The following SLFN12L variants were observed in gnomAD, a reference collection of about 807,000 sequenced individuals.
SLFN12L encodes schlafen family member 12 like.
In SLFN12L, 34 loss-of-function variants were observed where a neutral mutation model predicts 34.8. That is an observed-to-expected ratio of 0.98 (90% CI 0.74 to 1.30). The LOEUF is 1.30. Among genes scored for constraint, SLFN12L ranks in the 50% most tolerant of loss-of-function variants. SLFN12L has a pLI of 0.00. For synonymous variants in SLFN12L, 259 were observed against 247.5 expected (o/e 1.05, Z -0.44); for missense variants, 703 against 696.2 (o/e 1.01, Z -0.11).
rs1914165377 is a variant in SLFN12L, at chr17:35,479,117, C to T, written c.1165G>A (p.Val389Ile). ...TTATTGCCAATCCTCCTTCCTCAAC[C>T]TGGTTCTGAATCCACCATGAACTGG... ...WIQFMVDSEP[V>I]CEELPSPAST... The change falls in exon 3 of 5, where the codon GTA (valine) becomes ATA (isoleucine). Residue 389 changes from valine (V) to isoleucine (I), a missense_variant and splice_region_variant. Val to Ile is a conservative substitution (Grantham distance 29). Transcript: ENST00000628453. The T allele has an allele frequency of 6.5e-7, 1 of 1,549,416 alleles. No individual in the cohort carries two copies. The highest frequency in any genetic ancestry group is 1.7e-4 in the Middle Eastern group (1 of 5,954).
In SLFN12L at chr17:35,469,615, A is replaced by G. The variant is rs1913773532; in HGVS notation, c.*5308T>C. Among the ~76,000 whole-genome samples, 1 of 152,006 alleles carries G rather than the reference A, an allele frequency of 6.6e-6. No individual in the cohort carries two copies. Among genetic ancestry groups the G allele is most frequent in the Non-Finnish European group, 1.5e-5 (1 of 68,008 alleles). On this transcript the variant is annotated 3_prime_UTR_variant, in exon 5 of 5. Coordinates refer to ENST00000628453, the MANE Select transcript of SLFN12L (RefSeq NM_001363830.2). ...CCCCAGGTTTCTTACGATGATGCCAAATAGGCCCAGGGGCAATGGGTCTTA... is the reference window on the plus strand; with the variant it reads ...CCCCAGGTTTCTTACGATGATGCCAGATAGGCCCAGGGGCAATGGGTCTTA...
rs772380975 is a variant in SLFN12L at position 35,475,279 on chromosome 17, G to T, written c.1483C>A (p.Pro495Thr). ...ATGTGGAAGGTGTATAGGACTGGAG[G>T]CTTGTCCTGGGAAATCAGAAGAGCA... is the stretch of plus-strand genomic sequence containing the variant. Reference protein sequence around the residue: ...CDALLISQDKPPVLYTFHMVQ... With the variant: ...CDALLISQDKTPVLYTFHMVQ... Residue 495 changes from proline to threonine, a missense_variant, in exon 5 of 5, where the codon CCT becomes ACT. Coordinates refer to ENST00000628453, the MANE Select transcript of SLFN12L (RefSeq NM_001363830.2). The T allele has an allele frequency of 3.7e-6, 6 of 1,614,032 alleles. No individual in the cohort carries two copies. In the Admixed American group the frequency reaches 6.7e-5, roughly 18 times the overall value.
At chr17:35,530,427 AAGGGAAGGGAAGGG>A (rs1358834723) in intron 1 of SLFN12L, among the ~76,000 whole-genome samples, 798 of 16,888 alleles carry the variant, frequency 0.047, 125 homozygotes, top group East Asian at 0.086. Flanking sequence ...GGAAGGAAGG[AAGGGAAGGGAAGGG>A]AAGAAAGAAA....
At chr17:35,499,860 A>T in intron 2 of SLFN12L, 1 of 166,358 alleles carries the variant, frequency 6.0e-6, no homozygotes, top group Non-Finnish European at 1.2e-5. Context: ...CTTGGGTTTC[A>T]GGTCACTGAA....
intron 2 of SLFN12L, among the ~76,000 whole-genome samples, chr17:35,483,706 A>G (rs1009260114): frequency 6.6e-6 from 1 of 152,210 alleles, no homozygotes; most frequent in Non-Finnish European, 1.5e-5. Context: ...CTGTTTTGCT[A>G]TAGACGAAAA....
At chr17:35,496,612 C>A (rs1310001429) in intron 2 of SLFN12L, among the ~76,000 whole-genome samples, 1 of 151,818 alleles carries the variant, frequency 6.6e-6, no homozygotes, top group Non-Finnish European at 1.5e-5. Flanking sequence ...GAAGATCGAG[C>A]CCCAGCGCTG....
At chr17:35,490,095 G>T in intron 2 of SLFN12L, 1 of 1,606,798 alleles carries the variant, frequency 6.2e-7, no homozygotes. Context: ...CTCCTCCCCA[G>T]TGCCCCAGGC....
chr17:35,469,628 G>T lies in SLFN12L; in HGVS notation c.*5295C>A, dbSNP rs1913773805. ...ACGATGATGCCAAATAGGCCCAGGGGCAATGGGTCTTACTGTGTTTTCCTA... is the reference window on the plus strand; with the variant it reads ...ACGATGATGCCAAATAGGCCCAGGGTCAATGGGTCTTACTGTGTTTTCCTA... On this transcript the variant is annotated 3_prime_UTR_variant, in exon 5 of 5. Transcript: ENST00000628453. 6.6e-6 allele frequency among the ~76,000 whole-genome samples: 1 copy of T among 151,892 alleles called. No homozygotes were observed. The highest frequency in any genetic ancestry group is 6.6e-5 in the Admixed American group (1 of 15,238).
chr17:35,534,721 G>A (rs966943702), intron 1 of SLFN12L, among the ~76,000 whole-genome samples: 10 of 152,262 alleles, frequency 6.6e-5, no homozygotes, highest in East Asian at 3.9e-4. Flanking sequence ...AGTCACTGGC[G>A]GGAGCTGTTT....
rs978530751 is a variant in SLFN12L at position 35,474,272 on chromosome 17, T to C, written c.*651A>G. The C allele has an allele frequency of 1.3e-5, 2 of 152,246 alleles. No individual in the cohort carries two copies. Among genetic ancestry groups the C allele is most frequent in the African/African-American group, 4.8e-5 (2 of 41,466 alleles). The allele number at this position is 152,246 out of a possible 1,614,324, so 9.4% of individuals were successfully genotyped here. The stretch of plus-strand genomic sequence containing the variant: ...AACTATGTTTTCCATGTCCATTGGA[T>C]AAGAATGTCTGATATTTCCTTTATA... On this transcript the variant is annotated 3_prime_UTR_variant, in exon 5 of 5. Transcript: ENST00000628453.
rs9709148 is a variant in SLFN12L, at chr17:35,471,838, G to A, written c.*3085C>T. On this transcript the variant is annotated 3_prime_UTR_variant, in exon 5 of 5. Coordinates refer to ENST00000628453, the MANE Select transcript of SLFN12L (RefSeq NM_001363830.2). ...AGTGATGTTGAGTTTTTTTTCATAC[G>A]TTTGTTGGCTGTATAAATGTCTTCT... is the stretch of plus-strand genomic sequence containing the variant. Among the ~76,000 whole-genome samples, 2,347 of 151,806 alleles carry A rather than the reference G, an allele frequency of 0.015. 58 individuals carry two copies. The highest frequency in any genetic ancestry group is 0.052 in the African/African-American group (2,157 of 41,374).
intron 1 of SLFN12L, among the ~76,000 whole-genome samples, chr17:35,530,614 G>T (rs1184996723): frequency 6.6e-6 from 1 of 152,036 alleles, no homozygotes; most frequent in Non-Finnish European, 1.5e-5. Context: ...GATAGTGGGG[G>T]AAATGAAGAT....
intron 1 of SLFN12L, among the ~76,000 whole-genome samples, chr17:35,531,448 T>C (rs2072410235): frequency 6.6e-6 from 1 of 152,196 alleles, no homozygotes; most frequent in Non-Finnish European, 1.5e-5. Flanking sequence ...TTTATGACCA[T>C]TAAAACAACC....
chr17:35,520,940 C>T (rs1436414759), intron 2 of SLFN12L, among the ~76,000 whole-genome samples: 1 of 152,092 alleles, frequency 6.6e-6, no homozygotes, highest in African/African-American at 2.4e-5. Context: ...CAAAGTGCTG[C>T]CTTTCTGTCT....
At chr17:35,498,077 G>A (rs1915152535) in intron 2 of SLFN12L, 1 of 528,584 alleles carries the variant, frequency 1.9e-6, no homozygotes, top group Non-Finnish European at 3.3e-6. Context: ...GCGGCGGCGA[G>A]GGCGGCGGGG....
At position 35,467,710 on chromosome 17, in the gene SLFN12L, AGGTGT is replaced by A. The variant is rs1162142823; in HGVS notation, c.*7208_*7212del. On this transcript the variant is annotated 3_prime_UTR_variant, in exon 5 of 5. Transcript: ENST00000628453. ...ACCCCCCCCATCAGGAGGCCACAGCAGGTGTGTATATTCTCTGGGGTCCAATTAAT... is the reference window on the plus strand; with the variant it reads ...ACCCCCCCCATCAGGAGGCCACAGCAGTATATTCTCTGGGGTCCAATTAAT... Among the ~76,000 whole-genome samples, 1 of 152,048 alleles carries A rather than the reference AGGTGT, an allele frequency of 6.6e-6. No homozygotes were observed. Among genetic ancestry groups the A allele is most frequent in the Non-Finnish European group, 1.5e-5 (1 of 67,990 alleles).
At chr17:35,514,437 T>A (rs1004472058) in intron 2 of SLFN12L, among the ~76,000 whole-genome samples, 2 of 152,394 alleles carry the variant, frequency 1.3e-5, no homozygotes, top group Non-Finnish European at 1.5e-5. Flanking sequence ...CCTACACTTT[T>A]CTGCCTATCT....
chr17:35,475,330 G>C lies in SLFN12L; in HGVS notation c.1432C>G (p.Gln478Glu). The C allele has an allele frequency of 6.2e-7, 1 of 1,614,158 alleles. No individual in the cohort carries two copies. The highest frequency in any genetic ancestry group is 8.5e-7 in the Non-Finnish European group (1 of 1,180,034). ...TCACAGAGGACTTTGTGGTTCTCTTGCAAGCCCAGATCCAAAGACCAGCTC... is the reference window on the plus strand; with the variant it reads ...TCACAGAGGACTTTGTGGTTCTCTTCCAAGCCCAGATCCAAAGACCAGCTC... ...SRSWSLDLGLQENHKVLCDAL... is the reference protein window; with the variant it reads ...SRSWSLDLGLEENHKVLCDAL... The change falls in exon 5 of 5, where the codon CAA becomes GAA. Residue 478 changes from glutamine to glutamate, a missense_variant. Gln to Glu is a conservative substitution (Grantham distance 29). Coordinates refer to ENST00000628453, the MANE Select transcript of SLFN12L (RefSeq NM_001363830.2).
At position 35,479,583 on chromosome 17, in the gene SLFN12L, A is replaced by G; in HGVS notation, c.699T>C (p.Gly233=). Residue 233 remains glycine (G), a synonymous_variant, in exon 3 of 5, where the codon GGT becomes GGC. Coordinates refer to ENST00000628453, the MANE Select transcript of SLFN12L (RefSeq NM_001363830.2). ...AADFFNRTEL[G]YKEKLTFTES... is the part of the protein sequence containing the mutation. The stretch of plus-strand genomic sequence containing the variant: ...CAGTAAAGGTCAATTTTTCTTTATA[A>G]CCAAGTTCTGTTCTGTTAAAAAAAT... 1.9e-6 allele frequency: 3 copies of G among 1,613,538 alleles called. No homozygotes were observed. Among genetic ancestry groups the G allele is most frequent in the Non-Finnish European group, 2.5e-6 (3 of 1,179,834 alleles).
Sources: allele counts gnomAD v4.1 joint callset (sites outside exome capture counted in the v4.1 genomes callset), GRCh38; gene constraint gnomAD v4.1.1; transcripts MANE v1.5; gene names NCBI Gene and HGNC (gene_info 2026-07-23, HGNC 2026-07-21).